PNPLA8: variants seen among roughly 807,000 people sequenced by gnomAD.
PNPLA8 encodes calcium-independent phospholipase A2-gamma.
Under a neutral mutation model 76.9 loss-of-function variants are expected in PNPLA8, and 39 were observed. That is an observed-to-expected ratio of 0.51 (90% confidence interval 0.39 to 0.66). The LOEUF (loss-of-function observed/expected upper bound fraction) is 0.66, where lower values mean the gene tolerates loss of function less well. Among genes scored for constraint, PNPLA8 ranks in the 30% least tolerant of loss-of-function variants. The pLI is 0.00. For synonymous variants in PNPLA8, 301 were observed against 307.9 expected, an observed-to-expected ratio of 0.98 and a Z score of 0.24; for missense variants, 887 against 918.0, an observed-to-expected ratio of 0.97 and a Z score of 0.44.
chr7:108,523,950 A>G (rs1290225952), intron 1 of PNPLA8, among the ~76,000 whole-genome samples: 1 of 152,260 alleles, frequency 6.6e-6, no homozygotes, highest in Non-Finnish European at 1.5e-5. Context: ...CTAAGGTTTT[A>G]AATCTGAAAA....
rs62001049 is a variant in PNPLA8, at chr7:108,479,248, C to T, written c.2010G>A (p.Thr670=). 2.4e-3 allele frequency: 3,812 copies of T among 1,613,302 alleles called. 75 individuals carry two copies. In the African/African-American group the frequency reaches 0.034, roughly 14 times the overall value. Residue 670 remains threonine (T), a synonymous_variant, in exon 10 of 11, where the codon ACG becomes ACA. Coordinates refer to ENST00000257694, the MANE Select transcript of PNPLA8 (RefSeq NM_001256007.3). ...TGRYESDVRN[T]VTYTSLKTKL... ...TAGTTTTCAAGCTTGTGTATGTTAC[C>T]GTGTTTCTCACATCACTCTCATAAC... is the stretch of plus-strand genomic sequence containing the variant.
At chr7:108,495,566 G>A (rs1047148888) in intron 7 of PNPLA8, among the ~76,000 whole-genome samples, 8 of 152,002 alleles carry the variant, frequency 5.3e-5, no homozygotes, top group East Asian at 1.9e-4. Flanking sequence ...TTGTTTTCTC[G>A]ATATATTTTC....
At chr7:108,520,997 AG>A (rs1281736445) in intron 2 of PNPLA8, among the ~76,000 whole-genome samples, 1 of 152,202 alleles carries the variant, frequency 6.6e-6, no homozygotes, top group Non-Finnish European at 1.5e-5. Flanking sequence ...CTGGAACAGC[AG>A]TCATACTATC....
intron 4 of PNPLA8, among the ~76,000 whole-genome samples, chr7:108,506,597 G>A (rs1235265048): frequency 1.3e-5 from 2 of 151,850 alleles, no homozygotes; most frequent in Non-Finnish European, 2.9e-5. Flanking sequence ...TAACCCAGAA[G>A]TACTACTACT....
rs1861561823 is a variant in PNPLA8 at position 108,496,575 on chromosome 7, G to A, written c.1625+9C>T. On this transcript the variant is annotated intron_variant, in intron 7 of 10. Transcript: ENST00000257694. The stretch of plus-strand genomic sequence containing the variant: ...ATCAGAAGATTTAAAAAGAGTAATT[G>A]TAACTTACTTAAGAATGTTTTCCCA... The A allele has an allele frequency of 1.3e-6, 2 of 1,561,024 alleles. No homozygotes were observed. Among genetic ancestry groups the A allele is most frequent in the South Asian group, 1.2e-5 (1 of 85,790 alleles).
At chr7:108,509,721 T>C (rs1274350202) in intron 4 of PNPLA8, among the ~76,000 whole-genome samples, 1 of 150,982 alleles carries the variant, frequency 6.6e-6, no homozygotes, top group Non-Finnish European at 1.5e-5. Flanking sequence ...TAAAGACACA[T>C]GCACACGTAT....
chr7:108,487,814 G>A lies in PNPLA8; in HGVS notation c.1823C>T (p.Ser608Leu). 1 of 1,613,542 alleles carries A rather than the reference G, an allele frequency of 6.2e-7. No homozygotes were observed. Reference sequence around the variant, plus strand: ...TGCAAAGTAGCCTGGAGCAGCAGATGAGGCTCTAATGGCCTGCCACATTTT... The same window carrying A: ...TGCAAAGTAGCCTGGAGCAGCAGATAAGGCTCTAATGGCCTGCCACATTTT... ...QYKMWQAIRA[S>L]SAAPGYFAEY... Residue 608 changes from serine to leucine, a missense_variant, in exon 9 of 11, where the codon TCA becomes TTA. Physicochemically the swap from Ser to Leu is moderately radical, Grantham distance 145 (BLOSUM62 -2). Transcript: ENST00000257694.
chr7:108,474,086 G>T (rs1859810673), intron 10 of PNPLA8, among the ~76,000 whole-genome samples: 1 of 152,092 alleles, frequency 6.6e-6, no homozygotes, highest in Non-Finnish European at 1.5e-5. Context: ...TGGGTCAGAT[G>T]CATGTTTTAT....
At chr7:108,473,826 TC>T (rs35583300) in intron 10 of PNPLA8, among the ~76,000 whole-genome samples, 1 of 152,148 alleles carries the variant, frequency 6.6e-6, no homozygotes, top group Admixed American at 6.6e-5. Flanking sequence ...TGCCTCAGCC[TC>T]CCAAGTAGCT....
chr7:108,510,238 G>C, intron 4 of PNPLA8: 1 of 1,372,672 alleles, frequency 7.3e-7, no homozygotes, highest in South Asian at 1.3e-5. Flanking sequence ...GAACCATGGT[G>C]GGTGTAGAAG....
chr7:108,487,841 T>C lies in PNPLA8; in HGVS notation c.1796A>G (p.Tyr599Cys), dbSNP rs1162790753. ...INSHYLGGCQ[Y>C]KMWQAIRASS... ...GGCTCTAATGGCCTGCCACATTTTA[T>C]ACTGACAGCCTCCCAAATAATGAGA... Residue 599 changes from tyrosine (Y) to cysteine (C), a missense_variant, in exon 9 of 11, where the codon TAT (tyrosine) becomes TGT (cysteine). Physicochemically the swap from Tyr to Cys is radical, Grantham distance 194. Coordinates refer to ENST00000257694, the MANE Select transcript of PNPLA8 (RefSeq NM_001256007.3). 6.2e-7 allele frequency: 1 copy of C among 1,613,758 alleles called. No homozygotes were observed. The highest frequency in any genetic ancestry group is 8.5e-7 in the Non-Finnish European group (1 of 1,179,682).
rs956962524 is a variant in PNPLA8 at position 108,501,358 on chromosome 7, T to G, written c.1358+1133A>C. Among the ~76,000 whole-genome samples the G allele has an allele frequency of 2.6e-5, 4 of 152,148 alleles. No homozygotes were observed. In the East Asian group the frequency reaches 5.8e-4, roughly 22 times the overall value. ...GATTGCCAGTAGTAAAAATAGAGCT[T>G]AATAGTGAAATTATCTCCTTCTGAA... On this transcript the variant is annotated intron_variant, in intron 5 of 10. Coordinates refer to ENST00000257694, the MANE Select transcript of PNPLA8 (RefSeq NM_001256007.3).
At chr7:108,518,346 T>G (rs1234726176) in intron 2 of PNPLA8, 1 of 152,104 alleles carries the variant, frequency 6.6e-6, no homozygotes, top group East Asian at 1.9e-4. Context: ...AAGCAGTGTG[T>G]AGAAGGAATA....
chr7:108,525,984 A>C (rs40896), intron 1 of PNPLA8, 45 bp downstream of exon 1: 1 of 889,592 alleles, frequency 1.1e-6, no homozygotes, highest in Non-Finnish European at 1.3e-6. Context: ...AGAACGATCA[A>C]CCAGCCTCCT....
chr7:108,497,623 A>G, intron 5 of PNPLA8, 46 bp from the exon 6 acceptor site: 1 of 1,117,126 alleles, frequency 9.0e-7, no homozygotes, highest in Non-Finnish European at 1.3e-6. Context: ...GTTTAAAGAA[A>G]AAATAATTTA....
intron 10 of PNPLA8, among the ~76,000 whole-genome samples, chr7:108,474,944 G>C (rs1859881790): frequency 6.6e-6 from 1 of 152,108 alleles, no homozygotes; most frequent in Non-Finnish European, 1.5e-5. Context: ...GCACAGCAGG[G>C]GGTGAGTGGC....
chr7:108,487,527 C>T (rs530432135), intron 9 of PNPLA8, among the ~76,000 whole-genome samples: 5 of 152,182 alleles, frequency 3.3e-5, no homozygotes, highest in African/African-American at 7.2e-5. Context: ...TAATGGGCTA[C>T]GAATCACACT....
chr7:108,493,568 C>CATTTTTTTTTTTTT (rs1554681577), intron 7 of PNPLA8, among the ~76,000 whole-genome samples: 4 of 81,216 alleles, frequency 4.9e-5, no homozygotes, highest in Admixed American at 1.7e-4. Flanking sequence ...CCATGCCTGG[C>CATTTTTTTTTTTTT]TTTTTTTTTT....
In PNPLA8 at chr7:108,470,663, G is replaced by A. The variant is rs1206724401; in HGVS notation, c.*1738C>T. On this transcript the variant is annotated 3_prime_UTR_variant, in exon 11 of 11. Transcript: ENST00000257694. ...ATTTGTTTTTTTCTTGCATTTACAA[G>A]TTGTTCTTAGTTGCATGTTATTATG... is the stretch of plus-strand genomic sequence containing the variant. 1 of 152,058 alleles carries A rather than the reference G, an allele frequency of 6.6e-6. No homozygotes were observed. Among genetic ancestry groups the A allele is most frequent in the Non-Finnish European group, 1.5e-5 (1 of 67,988 alleles). 9.4% of individuals were successfully genotyped at this position (152,058 alleles called of 1,614,324 possible). A position where few individuals can be genotyped will look rare whatever the true frequency, so the allele number is the denominator to read the frequency against.
Sources: allele counts gnomAD v4.1 joint callset (sites outside exome capture counted in the v4.1 genomes callset), GRCh38; gene constraint gnomAD v4.1.1; transcripts MANE v1.5; gene names NCBI Gene and HGNC (gene_info 2026-07-23, HGNC 2026-07-21).